Variants in RGS20 observed in about 807,000 individuals in gnomAD.
RGS20 encodes gz-selective GTPase-activating protein.
A neutral mutation model predicts 33.6 loss-of-function variants in RGS20; 30 were observed. That is an observed-to-expected ratio of 0.89 (90% CI 0.67 to 1.21). RGS20 has a LOEUF of 1.21. Among genes scored for constraint, RGS20 ranks in the 50% most tolerant of loss-of-function variants. The pLI, the probability that RGS20 is intolerant of heterozygous loss-of-function variation, is 0.00. For missense variants in RGS20, 472 were observed against 502.4 expected, an observed-to-expected ratio of 0.94 and a Z score of 0.58; for synonymous variants, 208 against 197.9, an observed-to-expected ratio of 1.05 and a Z score of -0.43.
intron 3 of RGS20, among the ~76,000 whole-genome samples, chr8:53,940,953 T>C (rs1241243467): frequency 6.6e-6 from 1 of 152,170 alleles, no homozygotes; most frequent in Non-Finnish European, 1.5e-5. Flanking sequence ...ACTCTGCCAG[T>C]AGGTCTCAGT....
At chr8:53,905,370 A>G (rs1209835670) in intron 2 of RGS20, among the ~76,000 whole-genome samples, 2 of 152,236 alleles carry the variant, frequency 1.3e-5, no homozygotes, top group African/African-American at 4.8e-5. Flanking sequence ...TATCAAACAT[A>G]GTGGAAATAG....
intron 2 of RGS20, among the ~76,000 whole-genome samples, chr8:53,934,689 T>A (rs1194445738): frequency 6.6e-6 from 1 of 152,146 alleles, no homozygotes; most frequent in Non-Finnish European, 1.5e-5. Context: ...CTGTCAATAT[T>A]AGACAGATTA....
rs555079292 is a variant in RGS20 at position 53,851,807 on chromosome 8, G to A, written c.-93G>A. On this transcript the variant is annotated 5_prime_UTR_variant, in exon 1 of 6. Coordinates refer to ENST00000297313, the MANE Select transcript of RGS20 (RefSeq NM_170587.4). ...TCCCCACAGATTCAGAGCCAGCCCA[G>A]CATTAACCAAACAAAGAGAAGCAGA... 1.4e-3 allele frequency: 1,972 copies of A among 1,362,626 alleles called. 3 individuals carry two copies. Among genetic ancestry groups the A allele is most frequent in the Non-Finnish European group, 1.9e-3 (1,883 of 991,280 alleles). 84.4% of individuals were successfully genotyped at this position (1,362,626 alleles called of 1,614,324 possible). A position where few individuals can be genotyped will look rare whatever the true frequency, so the allele number is the denominator to read the frequency against.
intron 1 of RGS20, among the ~76,000 whole-genome samples, chr8:53,864,445 A>C (rs937418515): frequency 3.9e-5 from 6 of 151,946 alleles, no homozygotes; most frequent in Admixed American, 2.6e-4. Context: ...AAAAAAAAAA[A>C]AAAAAACTCA....
intron 1 of RGS20, chr8:53,876,757 G>A (rs1343896466): frequency 2.6e-5 from 4 of 152,294 alleles, no homozygotes; most frequent in African/African-American, 9.6e-5. Context: ...GAGTAGCAGG[G>A]GAGCAGGCGG....
chr8:53,892,849 C>A (rs1261989004), intron 2 of RGS20, among the ~76,000 whole-genome samples: 3 of 151,996 alleles, frequency 2.0e-5, no homozygotes, highest in African/African-American at 7.3e-5. Flanking sequence ...ACCATTTGAA[C>A]AATGTTCTTT....
At chr8:53,892,678 T>C (rs1812746116) in intron 2 of RGS20, among the ~76,000 whole-genome samples, 1 of 152,208 alleles carries the variant, frequency 6.6e-6, no homozygotes, top group Admixed American at 6.5e-5. Context: ...TTTAACGTAA[T>C]ACATGTACAG....
intron 2 of RGS20, among the ~76,000 whole-genome samples, chr8:53,934,422 C>A (rs937940321): frequency 8.5e-5 from 13 of 152,052 alleles, no homozygotes; most frequent in African/African-American, 3.1e-4. Context: ...TATTTACAAG[C>A]AAATGGAAAG....
chr8:53,897,173 A>G (rs1013320255), intron 2 of RGS20, among the ~76,000 whole-genome samples: 5 of 152,228 alleles, frequency 3.3e-5, no homozygotes, highest in Non-Finnish European at 7.3e-5. Context: ...ATGTACGTTG[A>G]CACATTCCAT....
chr8:53,864,682 T>C (rs1404362817), intron 1 of RGS20, among the ~76,000 whole-genome samples: 4 of 152,150 alleles, frequency 2.6e-5, no homozygotes, highest in Non-Finnish European at 5.9e-5. Flanking sequence ...TTAGTAGATA[T>C]AGAAATGCAT....
rs1166206955 is a variant in RGS20, at chr8:53,877,818, C to A, written c.166-1440C>A. On this transcript the variant is annotated intron_variant, in intron 1 of 5. Coordinates refer to ENST00000297313, the MANE Select transcript of RGS20 (RefSeq NM_170587.4). This position sits in a 1 kb window ranked among gnomAD's most constrained non-coding sequence, Gnocchi z 5.7. ...AGCAAGACAAATCAGCCACCGCACT[C>A]GCGGCTTCCCAGAAAGGGCCTCATG... Among the ~76,000 whole-genome samples, 1 of 152,234 alleles carries A rather than the reference C, an allele frequency of 6.6e-6. No homozygotes were observed. Among genetic ancestry groups the A allele is most frequent in the Non-Finnish European group, 1.5e-5 (1 of 68,046 alleles).
chr8:53,870,990 A>C (rs1433841387), intron 1 of RGS20, among the ~76,000 whole-genome samples: 2 of 151,738 alleles, frequency 1.3e-5, no homozygotes. Flanking sequence ...AGGAGCCTGT[A>C]ACCCCAGCTA....
intron 2 of RGS20, among the ~76,000 whole-genome samples, chr8:53,938,919 C>G (rs1814209537): frequency 6.6e-6 from 1 of 152,152 alleles, no homozygotes; most frequent in Non-Finnish European, 1.5e-5. Flanking sequence ...AAGACAGGTC[C>G]GGGCAGGCCA....
At chr8:53,916,218 C>T (rs1004306240) in intron 2 of RGS20, among the ~76,000 whole-genome samples, 2 of 152,160 alleles carry the variant, frequency 1.3e-5, no homozygotes, top group Non-Finnish European at 2.9e-5. Context: ...GACAAGGTTT[C>T]ACTGTGTTGC....
At chr8:53,896,575 C>T (rs190014365) in intron 2 of RGS20, among the ~76,000 whole-genome samples, 2 of 152,082 alleles carry the variant, frequency 1.3e-5, no homozygotes, top group African/African-American at 2.4e-5. Context: ...AAAGTAAATA[C>T]GAAGTTCAAG....
At chr8:53,902,943 C>T (rs1190997264) in intron 2 of RGS20, among the ~76,000 whole-genome samples, 1 of 152,144 alleles carries the variant, frequency 6.6e-6, no homozygotes, top group Non-Finnish European at 1.5e-5. Flanking sequence ...CCAGGCTGGG[C>T]TCGAACTTCT....
chr8:53,958,326 C>G lies in RGS20; in HGVS notation c.1035C>G (p.Ser345=), dbSNP rs1213093432. 3 of 1,613,584 alleles carry G rather than the reference C, an allele frequency of 1.9e-6. No individual in the cohort carries two copies. Among genetic ancestry groups the G allele is most frequent in the Non-Finnish European group, 2.5e-6 (3 of 1,179,870 alleles). Residue 345 remains serine (S), a synonymous_variant, in exon 6 of 6, where the codon TCC becomes TCG. Coordinates refer to ENST00000297313, the MANE Select transcript of RGS20 (RefSeq NM_170587.4). Reference sequence around the variant, plus strand: ...TCAACAGAAACATGGTGGAGCCATCCCAACACATATTCGATGATGCTCAAC... The same window carrying G: ...TCAACAGAAACATGGTGGAGCCATCGCAACACATATTCGATGATGCTCAAC...
At chr8:53,902,170 C>T (rs1563379385) in intron 2 of RGS20, among the ~76,000 whole-genome samples, 1 of 152,052 alleles carries the variant, frequency 6.6e-6, no homozygotes, top group Non-Finnish European at 1.5e-5. Flanking sequence ...CGCATGTCAC[C>T]ACATCCAGCT....
intron 2 of RGS20, among the ~76,000 whole-genome samples, chr8:53,927,000 A>G (rs1279184789): frequency 6.6e-6 from 1 of 152,160 alleles, no homozygotes; most frequent in Non-Finnish European, 1.5e-5. Context: ...CAATTCCAAA[A>G]TACTAAAAGA....
Sources: gnomAD v4.1 joint callset for allele counts (sites outside exome capture counted in the v4.1 genomes callset) on GRCh38, gnomAD v4.1.1 for gene constraint, Gnocchi (gnomAD v3.1) non-coding constraint, MANE v1.5 for transcripts, NCBI Gene and HGNC (gene_info 2026-07-23, HGNC 2026-07-21) for gene names.